The following CDK5RAP2 variants were observed in gnomAD, a reference collection of about 807,000 sequenced individuals.
CDK5RAP2 encodes CDK5 regulatory subunit-associated protein 2.
In CDK5RAP2, 147 loss-of-function variants were observed where a neutral mutation model predicts 232.9. That is an observed-to-expected ratio of 0.63 (90% confidence interval 0.55 to 0.72). The LOEUF (loss-of-function observed/expected upper bound fraction) is 0.72. Among genes scored for constraint, CDK5RAP2 ranks in the 30% least tolerant of loss-of-function variants. The pLI is 0.00. For synonymous variants in CDK5RAP2, 833 were observed against 833.7 expected, an observed-to-expected ratio of 1.00 and a Z score of 0.01; for missense variants, 2,195 against 2,231.5, an observed-to-expected ratio of 0.98 and a Z score of 0.33.
chr9:120,422,196 T>A (rs1247673975), intron 26 of CDK5RAP2, among the ~76,000 whole-genome samples: 1 of 152,182 alleles, frequency 6.6e-6, no homozygotes, highest in Non-Finnish European at 1.5e-5. Flanking sequence ...CCAGGTTCAT[T>A]TACATTTGAA....
intron 12 of CDK5RAP2, among the ~76,000 whole-genome samples, chr9:120,492,768 CTG>C (rs1285428981): frequency 6.6e-6 from 1 of 152,086 alleles, no homozygotes; most frequent in Non-Finnish European, 1.5e-5. Context: ...TATTCTGAAA[CTG>C]TGTGAGTATA....
chr9:120,394,880 C>A (rs991274015), intron 35 of CDK5RAP2, among the ~76,000 whole-genome samples: 1 of 152,184 alleles, frequency 6.6e-6, no homozygotes, highest in Non-Finnish European at 1.5e-5. Context: ...CCAGTGAGAA[C>A]GCCCTGGCAA....
intron 22 of CDK5RAP2, among the ~76,000 whole-genome samples, chr9:120,445,867 T>C (rs938277654): frequency 1.3e-5 from 2 of 152,200 alleles, no homozygotes; most frequent in Admixed American, 6.5e-5. Flanking sequence ...CTGTCTTTAA[T>C]TGCCTATCTA....
intron 12 of CDK5RAP2, among the ~76,000 whole-genome samples, chr9:120,497,189 T>C (rs1420680086): frequency 7.6e-6 from 1 of 131,922 alleles, no homozygotes; most frequent in Non-Finnish European, 1.5e-5. Context: ...AGATGTGCTT[T>C]GTTAAACAGA....
intron 13 of CDK5RAP2, among the ~76,000 whole-genome samples, chr9:120,489,700 A>G (rs1307456705): frequency 2.6e-5 from 4 of 152,058 alleles, no homozygotes; most frequent in Non-Finnish European, 4.4e-5. Context: ...CAAAGGAGTT[A>G]TAGCCCTGAA....
intron 12 of CDK5RAP2, among the ~76,000 whole-genome samples, chr9:120,496,383 G>C (rs1424600187): frequency 6.9e-6 from 1 of 144,118 alleles, no homozygotes; most frequent in Non-Finnish European, 1.6e-5. Flanking sequence ...GGGAGGTGGG[G>C]GGGGGGTCAG....
At chr9:120,573,984 C>A (rs2042944428) in intron 1 of CDK5RAP2, among the ~76,000 whole-genome samples, 1 of 152,172 alleles carries the variant, frequency 6.6e-6, no homozygotes, top group South Asian at 2.1e-4. Flanking sequence ...GGGGTTCTCT[C>A]CGGGTACCAG....
chr9:120,552,744 AATG>A lies in CDK5RAP2; in HGVS notation c.196-1845_196-1843del, dbSNP rs568438189. Reference sequence around the variant, plus strand: ...GCATTAGGAGATATACCTAATGTTAAATGATGAGTTAATGGGTGCAGCACAGCA... The same window carrying A: ...GCATTAGGAGATATACCTAATGTTAAATGAGTTAATGGGTGCAGCACAGCA... On this transcript the variant is annotated intron_variant, in intron 3 of 37. Coordinates refer to ENST00000349780, the MANE Select transcript of CDK5RAP2 (RefSeq NM_018249.6). 6.3e-3 allele frequency among the ~76,000 whole-genome samples: 959 copies of A among 151,264 alleles called. 8 individuals are homozygous for A. The highest frequency in any genetic ancestry group is 0.022 in the African/African-American group (906 of 41,136).
intron 25 of CDK5RAP2, among the ~76,000 whole-genome samples, chr9:120,429,219 C>T (rs1487401513): frequency 6.7e-6 from 1 of 149,866 alleles, no homozygotes; most frequent in East Asian, 2.0e-4. Flanking sequence ...TGCCCTCTCT[C>T]ACCACTCCTA....
At chr9:120,472,727 C>T (rs1005681278) in intron 15 of CDK5RAP2, among the ~76,000 whole-genome samples, 1 of 152,054 alleles carries the variant, frequency 6.6e-6, no homozygotes, top group African/African-American at 2.4e-5. Flanking sequence ...AGCCCAAAAC[C>T]CAGAGGAGAC....
chr9:120,392,057 C>T (rs1341963473), intron 36 of CDK5RAP2, among the ~76,000 whole-genome samples: 3 of 152,114 alleles, frequency 2.0e-5, no homozygotes, highest in Admixed American at 6.5e-5. Context: ...GAGACATTTG[C>T]GGCTCTTCTT....
chr9:120,538,880 T>C (rs2041507079), intron 6 of CDK5RAP2, among the ~76,000 whole-genome samples, 161 bp downstream of exon 6: 1 of 152,142 alleles, frequency 6.6e-6, no homozygotes, highest in Admixed American at 6.5e-5. Flanking sequence ...AAATTATACA[T>C]ATAAAATGCC....
chr9:120,553,147 T>A (rs2042106836), intron 3 of CDK5RAP2, among the ~76,000 whole-genome samples: 1 of 152,210 alleles, frequency 6.6e-6, no homozygotes, highest in African/African-American at 2.4e-5. Context: ...ACTGCAAAAG[T>A]ACTGCCTCCA....
Position 120,437,461 on chromosome 9 carries a change from G to T in CDK5RAP2, c.3789C>A (p.Gly1263=), listed in dbSNP as rs752051228. Residue 1263 remains glycine (G), a synonymous_variant, in exon 25 of 38, where the codon GGC becomes GGA. Coordinates refer to ENST00000349780, the MANE Select transcript of CDK5RAP2 (RefSeq NM_018249.6). ...GACGGGAGATGACACAGATGCCATG[G>T]CCATCCTTAATCTGCTGCCGTTGAA... is the stretch of plus-strand genomic sequence containing the variant. ...LSLQRQQIKD[G]HGICVISRQH... The T allele has an allele frequency of 1.2e-6, 2 of 1,614,108 alleles. No homozygotes were observed. Among genetic ancestry groups the T allele is most frequent in the Non-Finnish European group, 1.7e-6 (2 of 1,179,976 alleles).
intron 3 of CDK5RAP2, among the ~76,000 whole-genome samples, chr9:120,552,205 G>A (rs1055515194): frequency 3.3e-5 from 5 of 151,966 alleles, no homozygotes; most frequent in Non-Finnish European, 2.9e-5. Flanking sequence ...AGGTGCTGGA[G>A]AGGATGTGGA....
At chr9:120,572,096 G>C (rs1466108955) in intron 1 of CDK5RAP2, 55 bp from the exon 2 acceptor site, 4 of 1,337,698 alleles carry the variant, frequency 3.0e-6, no homozygotes, top group East Asian at 2.3e-5. Flanking sequence ...AACAGAGACT[G>C]TTAAGACGGT....
At chr9:120,394,783 C>A in intron 35 of CDK5RAP2, 145 bp from the exon 36 acceptor site, 1 of 764,884 alleles carries the variant, frequency 1.3e-6, no homozygotes, top group East Asian at 2.7e-5. Context: ...TTCCTGACAA[C>A]CAGGAAAAGG....
intron 1 of CDK5RAP2, among the ~76,000 whole-genome samples, chr9:120,572,500 C>T (rs1268937826): frequency 2.0e-5 from 3 of 152,196 alleles, no homozygotes; most frequent in African/African-American, 7.2e-5. Context: ...ACTAATATGC[C>T]TATCACCACC....
chr9:120,545,228 C>T (rs1487385528), intron 5 of CDK5RAP2, among the ~76,000 whole-genome samples: 1 of 152,156 alleles, frequency 6.6e-6, no homozygotes, highest in Non-Finnish European at 1.5e-5. Context: ...GCTTTTACAA[C>T]AGTAAGAATT....
Sources: allele counts gnomAD v4.1 joint callset (sites outside exome capture counted in the v4.1 genomes callset), GRCh38; gene constraint gnomAD v4.1.1; transcripts MANE v1.5; gene names NCBI Gene and HGNC (gene_info 2026-07-23, HGNC 2026-07-21).